MFSD2A: variants seen among roughly 807,000 people sequenced by gnomAD.
MFSD2A encodes sodium-dependent lysophosphatidylcholine symporter 1.
Under a neutral mutation model 64.7 loss-of-function variants are expected in MFSD2A, and 27 were observed. That is an observed-to-expected ratio of 0.42 (90% CI 0.31 to 0.58). The LOEUF is 0.58. Among genes scored for constraint, MFSD2A ranks in the 20% least tolerant of loss-of-function variants. MFSD2A has a pLI of 0.18. For missense variants in MFSD2A, 474 were observed against 679.5 expected (o/e 0.70, Z 3.36); for synonymous variants, 258 against 273.4 (o/e 0.94, Z 0.55).
At chr1:39,966,564 C>A in intron 6 of MFSD2A, 37 bp from the exon 7 acceptor site, 1 of 1,567,548 alleles carries the variant, frequency 6.4e-7, no homozygotes, top group Non-Finnish European at 8.7e-7. Flanking sequence ...TGAGCTCAAA[C>A]TGACCATCCT....
chr1:39,961,301 C>G (rs992576160), intron 3 of MFSD2A, among the ~76,000 whole-genome samples: 8 of 129,916 alleles, frequency 6.2e-5, no homozygotes, highest in Non-Finnish European at 1.1e-4. Context: ...TTCTTGAAAC[C>G]AGGAAGACTT....
At chr1:39,967,002 G>C in intron 8 of MFSD2A, 70 bp downstream of exon 8, 4 of 1,611,520 alleles carry the variant, frequency 2.5e-6, no homozygotes, top group Non-Finnish European at 3.4e-6. Flanking sequence ...GAGGTCTCTG[G>C]GGCTTGGGGG....
rs1645017345 is a variant in MFSD2A, at chr1:39,960,545, AG to A, written c.353+1721del. 6.6e-6 allele frequency among the ~76,000 whole-genome samples: 1 copy of A among 152,204 alleles called. No individual in the cohort carries two copies. The highest frequency in any genetic ancestry group is 1.5e-5 in the Non-Finnish European group (1 of 68,026). On this transcript the variant is annotated intron_variant, in intron 3 of 13. Transcript: ENST00000372811. This position sits in a 1 kb window ranked among gnomAD's most constrained non-coding sequence, Gnocchi z 4.8. Reference sequence around the variant, plus strand: ...CCCTGTGCCCGCCTCCCTGGCAGCCAGTAGAAGGGGAGGCTCTGCTGCCACG... The same window carrying A: ...CCCTGTGCCCGCCTCCCTGGCAGCCATAGAAGGGGAGGCTCTGCTGCCACG...
chr1:39,964,836 G>T lies in MFSD2A; in HGVS notation c.354-375G>T. On this transcript the variant is annotated intron_variant, in intron 3 of 13. Coordinates refer to ENST00000372811, the MANE Select transcript of MFSD2A (RefSeq NM_032793.5). This position sits in a 1 kb window ranked among gnomAD's most constrained non-coding sequence, Gnocchi z 4.1. ...AATGGGGTGTGTGTGTGCGGTTGATGACTATCCGTGTGAGAACACGGGAGT... is the reference window on the plus strand; with the variant it reads ...AATGGGGTGTGTGTGTGCGGTTGATTACTATCCGTGTGAGAACACGGGAGT... 3.6e-6 allele frequency: 1 copy of T among 275,492 alleles called. No individual in the cohort carries two copies. The highest frequency in any genetic ancestry group is 7.1e-6 in the Non-Finnish European group (1 of 141,444). The allele number at this position is 275,492 out of a possible 1,614,324, so 17.1% of individuals were successfully genotyped here.
intron 9 of MFSD2A, 123 bp from the exon 10 acceptor site, chr1:39,967,505 C>G (rs1448843499): frequency 2.3e-6 from 2 of 881,676 alleles, no homozygotes; most frequent in Non-Finnish European, 3.8e-6. Context: ...TTCGTTGCTG[C>G]CCACATGATG....
Position 39,966,021 on chromosome 1 carries a change from C to A in MFSD2A, c.714+7C>A, listed in dbSNP as rs187731428. 9.5e-5 allele frequency: 153 copies of A among 1,613,986 alleles called. 1 individual carries two copies. The East Asian group carries it at 3.4e-3, about 35-fold the overall frequency. Reference sequence around the variant, plus strand: ...CACCTCACACAGGGAAACGGTGAGGCCCTGGGCAGGGCAGGGATTTGGGGA... The same window carrying A: ...CACCTCACACAGGGAAACGGTGAGGACCTGGGCAGGGCAGGGATTTGGGGA... On this transcript the variant is annotated splice_region_variant and intron_variant, in intron 6 of 13. Coordinates refer to ENST00000372811, the MANE Select transcript of MFSD2A (RefSeq NM_032793.5).
At chr1:39,969,406 C>T (rs1037429859) in intron 13 of MFSD2A, 99 bp from the exon 14 acceptor site, 14 of 1,056,960 alleles carry the variant, frequency 1.3e-5, no homozygotes, top group East Asian at 5.4e-5. Context: ...CACTTTAGTC[C>T]GACAGCAGGG....
chr1:39,968,730 C>T lies in MFSD2A; in HGVS notation c.1514C>T (p.Ala505Val). 6.2e-7 allele frequency: 1 copy of T among 1,614,042 alleles called. No individual in the cohort carries two copies. Among genetic ancestry groups the T allele is most frequent in the Non-Finnish European group, 8.5e-7 (1 of 1,180,006 alleles). Residue 505 changes from alanine to valine, a missense_variant, in exon 13 of 14, where the codon GCC becomes GTC. Ala to Val is a moderately conservative substitution (Grantham distance 64). Coordinates refer to ENST00000372811, the MANE Select transcript of MFSD2A (RefSeq NM_032793.5). The surrounding 1 kb of genome is among the most constrained non-coding windows in gnomAD (Gnocchi z 4.4). ...GAGAGGCGGCGGCAGAATAAGAAGGCCCTGCAGGCACTGAGGTGAGTGGGG... is the reference window on the plus strand; with the variant it reads ...GAGAGGCGGCGGCAGAATAAGAAGGTCCTGCAGGCACTGAGGTGAGTGGGG... Reference protein sequence around the residue: ...DEERRRQNKKALQALRDEASS... With the variant: ...DEERRRQNKKVLQALRDEASS...
At chr1:39,961,508 C>T (rs1219174876) in intron 3 of MFSD2A, among the ~76,000 whole-genome samples, 1 of 151,976 alleles carries the variant, frequency 6.6e-6, no homozygotes, top group Non-Finnish European at 1.5e-5. Flanking sequence ...GCCACCATTC[C>T]CAGCTAATTT....
chr1:39,967,968 G>A, intron 11 of MFSD2A, 52 bp downstream of exon 11: 1 of 1,164,670 alleles, frequency 8.6e-7, no homozygotes, highest in Non-Finnish European at 1.2e-6. Context: ...CTAGTCCCCA[G>A]TTTTGAAGCT....
At position 39,965,391 on chromosome 1, in the gene MFSD2A, G is replaced by A; in HGVS notation, c.477+57G>A. ...AGGGGCCGGGAGGAGGGCGGTCCTTGGGGCCCCCAGGGTTGGTACTGGAAG... is the reference window on the plus strand; with the variant it reads ...AGGGGCCGGGAGGAGGGCGGTCCTTAGGGCCCCCAGGGTTGGTACTGGAAG... On this transcript the variant is annotated intron_variant, in intron 4 of 13. Coordinates refer to ENST00000372811, the MANE Select transcript of MFSD2A (RefSeq NM_032793.5). This position sits in a 1 kb window ranked among gnomAD's most constrained non-coding sequence, Gnocchi z 5.5. The A allele has an allele frequency of 4.3e-6, 7 of 1,613,396 alleles. No homozygotes were observed. Among genetic ancestry groups the A allele is most frequent in the South Asian group, 1.1e-5 (1 of 91,042 alleles).
Position 39,965,147 on chromosome 1 carries a change from A to G in MFSD2A, c.354-64A>G, listed in dbSNP as rs1381227189. The G allele has an allele frequency of 2.5e-6, 4 of 1,605,252 alleles. No individual in the cohort carries two copies. In the Admixed American group the frequency reaches 5.0e-5, roughly 20 times the overall value. On this transcript the variant is annotated intron_variant, in intron 3 of 13. Transcript: ENST00000372811. The surrounding 1 kb of genome is among the most constrained non-coding windows in gnomAD (Gnocchi z 5.5). ...GTGGGGACCCTGTGAGGCACAGCAGACTGGGCTGGGCCTGGTCCTGGGCTC... is the reference window on the plus strand; with the variant it reads ...GTGGGGACCCTGTGAGGCACAGCAGGCTGGGCTGGGCCTGGTCCTGGGCTC...
intron 6 of MFSD2A, 103 bp from the exon 7 acceptor site, chr1:39,966,498 G>A (rs1645163364): frequency 1.1e-6 from 1 of 900,568 alleles, no homozygotes; most frequent in Admixed American, 2.1e-5. Flanking sequence ...GCTCCCAGAG[G>A]GGAGGGGACT....
intron 1 of MFSD2A, among the ~76,000 whole-genome samples, chr1:39,956,502 G>T (rs1330561122): frequency 6.6e-6 from 1 of 152,210 alleles, no homozygotes; most frequent in Non-Finnish European, 1.5e-5. Flanking sequence ...CAGGTCGGCT[G>T]CTGGAGCATG....
chr1:39,968,364 C>T lies in MFSD2A; in HGVS notation c.1239C>T (p.Phe413=). 1 of 1,614,194 alleles carries T rather than the reference C, an allele frequency of 6.2e-7. No homozygotes were observed. The highest frequency in any genetic ancestry group is 8.5e-7 in the Non-Finnish European group (1 of 1,180,026). The part of the protein sequence containing the change: ...WSMLPDVIDD[F]HLKQPHFHGT... ...TGCTGCCTGATGTCATTGACGACTT[C>T]CATCTGAAGCAGCCCCACTTCCATG... Residue 413 remains phenylalanine (F), a synonymous_variant, in exon 12 of 14, where the codon TTC becomes TTT. Coordinates refer to ENST00000372811, the MANE Select transcript of MFSD2A (RefSeq NM_032793.5). The surrounding 1 kb of genome is among the most constrained non-coding windows in gnomAD (Gnocchi z 4.4).
In MFSD2A at chr1:39,968,603, C is replaced by A; in HGVS notation, c.1387C>A (p.Pro463Thr). 1 of 1,614,200 alleles carries A rather than the reference C, an allele frequency of 6.2e-7. No individual in the cohort carries two copies. The highest frequency in any genetic ancestry group is 8.5e-7 in the Non-Finnish European group (1 of 1,180,032). Reference sequence around the variant, plus strand: ...GTACCAGACCCGTGGCTGCTCGCAGCCGGAACGTGTCAAGTTTACACTGAA... The same window carrying A: ...GTACCAGACCCGTGGCTGCTCGCAGACGGAACGTGTCAAGTTTACACTGAA... ...AGYQTRGCSQ[P>T]ERVKFTLNML... Residue 463 changes from proline to threonine, a missense_variant, in exon 13 of 14, where the codon CCG becomes ACG. Pro to Thr is a conservative substitution (Grantham distance 38). Transcript: ENST00000372811. The surrounding 1 kb of genome is among the most constrained non-coding windows in gnomAD (Gnocchi z 4.4).
chr1:39,967,309 G>A (rs1645185126), intron 9 of MFSD2A, 140 bp downstream of exon 9: 1 of 777,694 alleles, frequency 1.3e-6, no homozygotes, highest in Non-Finnish European at 2.1e-6. Context: ...AGGGTATTTG[G>A]TTGGACCTTG....
Position 39,965,229 on chromosome 1 carries a change from C to A in MFSD2A, c.372C>A (p.Pro124=). The part of the protein sequence containing the change: ...RLMPWIIFST[P]LAVIAYFLIW... The stretch of plus-strand genomic sequence containing the variant: ...TCCTCAGGATCATCTTCTCCACGCC[C>A]CTGGCCGTCATTGCCTACTTCCTCA... The change falls in exon 4 of 14, where the codon CCC becomes CCA. Residue 124 remains proline (P), a synonymous_variant. Coordinates refer to ENST00000372811, the MANE Select transcript of MFSD2A (RefSeq NM_032793.5). This position sits in a 1 kb window ranked among gnomAD's most constrained non-coding sequence, Gnocchi z 5.5. 1 of 1,614,174 alleles carries A rather than the reference C, an allele frequency of 6.2e-7. No individual in the cohort carries two copies. Among genetic ancestry groups the A allele is most frequent in the Non-Finnish European group, 8.5e-7 (1 of 1,180,030 alleles).
chr1:39,962,632 T>G, intron 3 of MFSD2A: 1 of 841,542 alleles, frequency 1.2e-6, no homozygotes, highest in Admixed American at 2.0e-5. Context: ...CGCGGAGGTT[T>G]CGGCAGTGGC....
Sources: allele counts gnomAD v4.1 joint callset (sites outside exome capture counted in the v4.1 genomes callset), GRCh38; gene constraint gnomAD v4.1.1; non-coding constraint Gnocchi (gnomAD v3.1); transcripts MANE v1.5; gene names NCBI Gene and HGNC (gene_info 2026-07-23, HGNC 2026-07-21).